Variants in SH3PXD2A observed in about 807,000 individuals in gnomAD.
SH3PXD2A encodes the protein SH3 and PX domains 2A.
Under a neutral mutation model 115.2 loss-of-function variants are expected in SH3PXD2A, and 32 were observed. That is an observed-to-expected ratio of 0.28 (90% CI 0.21 to 0.37). The LOEUF (loss-of-function observed/expected upper bound fraction) is 0.37. Ranked by LOEUF, SH3PXD2A falls within the 10% of genes least tolerant of loss-of-function variation. The pLI is 1.00. For synonymous variants in SH3PXD2A, 610 were observed against 629.1 expected (o/e 0.97, Z 0.45); for missense variants, 1,328 against 1,498.7 (o/e 0.89, Z 1.88).
At chr10:103,693,085 TG>T in intron 5 of SH3PXD2A, 29 bp from the exon 6 acceptor site, 2 of 1,610,188 alleles carry the variant, frequency 1.2e-6, no homozygotes, top group Non-Finnish European at 1.7e-6. Flanking sequence ...CAGATAGACA[TG>T]GTTAGGGCCG....
intron 7 of SH3PXD2A, among the ~76,000 whole-genome samples, chr10:103,663,197 C>T (rs953936015): frequency 6.6e-6 from 1 of 152,236 alleles, no homozygotes; most frequent in African/African-American, 2.4e-5. Context: ...AAGTTCCACA[C>T]AGCCCCCTTG....
chr10:103,786,035 G>A (rs2038977523), intron 2 of SH3PXD2A, among the ~76,000 whole-genome samples: 1 of 151,962 alleles, frequency 6.6e-6, no homozygotes, highest in Non-Finnish European at 1.5e-5. Flanking sequence ...GAGAGACAGA[G>A]AGAGAACACC....
intron 3 of SH3PXD2A, among the ~76,000 whole-genome samples, chr10:103,765,069 A>G (rs1345591005): frequency 6.6e-6 from 1 of 152,204 alleles, no homozygotes; most frequent in African/African-American, 2.4e-5. Flanking sequence ...AAACAGCCCC[A>G]CGAAGTACAT....
rs118021253 is a variant in SH3PXD2A, at chr10:103,672,977, A to G, written c.428-4325T>C. 4.9e-4 allele frequency among the ~76,000 whole-genome samples: 75 copies of G among 152,344 alleles called. 1 individual carries two copies. The East Asian group carries it at 0.013, about 25-fold the overall frequency. ...GGGCCTGGAGATTCCGGCCAAATAC[A>G]GGGACCCAAAGGTACTTAGATGCTG... On this transcript the variant is annotated intron_variant, in intron 6 of 14. Transcript: ENST00000369774.
At chr10:103,726,772 T>G (rs2134174945) in intron 4 of SH3PXD2A, among the ~76,000 whole-genome samples, 1 of 152,278 alleles carries the variant, frequency 6.6e-6, no homozygotes, top group East Asian at 1.9e-4. Flanking sequence ...ACAATTGAAG[T>G]GTGCCATCTA....
At chr10:103,613,313 G>A (rs1011637191) in intron 11 of SH3PXD2A, 123 bp from the exon 12 acceptor site, 1 of 701,676 alleles carries the variant, frequency 1.4e-6, no homozygotes, top group Non-Finnish European at 2.3e-6. Context: ...GCAAGGCTTG[G>A]CAATCCCACT....
At chr10:103,692,879 G>A (rs1422767251) in intron 6 of SH3PXD2A, 149 bp downstream of exon 6, 1 of 648,120 alleles carries the variant, frequency 1.5e-6, no homozygotes, top group Non-Finnish European at 2.7e-6. Context: ...CAAGTGAAGC[G>A]AGTACCCCTG....
chr10:103,820,808 C>A (rs1290492031), intron 1 of SH3PXD2A, among the ~76,000 whole-genome samples: 2 of 152,184 alleles, frequency 1.3e-5, no homozygotes, highest in East Asian at 3.9e-4. Flanking sequence ...TAGGGGCTGG[C>A]GCACATGGCC....
intron 2 of SH3PXD2A, among the ~76,000 whole-genome samples, chr10:103,769,230 A>G (rs553888243): frequency 6.6e-6 from 1 of 150,968 alleles, no homozygotes; most frequent in South Asian, 2.1e-4. Flanking sequence ...TTGTCCACCC[A>G]TCCAGCTCTA....
intron 6 of SH3PXD2A, among the ~76,000 whole-genome samples, chr10:103,691,748 A>C (rs1020633815): frequency 6.6e-6 from 1 of 151,874 alleles, no homozygotes; most frequent in African/African-American, 2.4e-5. Context: ...TATCTCAACC[A>C]CACACACACC....
intron 1 of SH3PXD2A, among the ~76,000 whole-genome samples, chr10:103,847,377 G>T (rs1842856914): frequency 6.6e-6 from 1 of 151,838 alleles, no homozygotes; most frequent in Admixed American, 6.6e-5. Context: ...GCAGTGGTGT[G>T]ATCACGGTTT....
At chr10:103,763,117 C>T (rs12257568) in intron 3 of SH3PXD2A, among the ~76,000 whole-genome samples, 57,482 of 151,828 alleles carry the variant, frequency 0.38, 11,134 homozygotes, top group Middle Eastern at 0.41. Context: ...GACTTACGGC[C>T]CATGTGTGAG....
chr10:103,680,619 A>G (rs1007318295), intron 6 of SH3PXD2A, among the ~76,000 whole-genome samples: 6 of 152,340 alleles, frequency 3.9e-5, no homozygotes, highest in Middle Eastern at 6.8e-3. Context: ...ACTTTCTAAC[A>G]TGACCCAGTT....
chr10:103,749,197 C>G (rs997712612), intron 3 of SH3PXD2A, among the ~76,000 whole-genome samples: 2 of 152,062 alleles, frequency 1.3e-5, no homozygotes, highest in African/African-American at 4.8e-5. Context: ...CTCAGGAGCT[C>G]GGGGAGCAGC....
intron 3 of SH3PXD2A, among the ~76,000 whole-genome samples, chr10:103,759,478 A>G (rs2038676693): frequency 6.6e-6 from 1 of 152,208 alleles, no homozygotes; most frequent in Non-Finnish European, 1.5e-5. Context: ...GGCTTTCTGG[A>G]AGCCCAGAGG....
rs1199124831 is a variant in SH3PXD2A at position 103,666,266 on chromosome 10, C to T, written c.472+2342G>A. Among the ~76,000 whole-genome samples the T allele has an allele frequency of 6.6e-6, 1 of 152,220 alleles. No individual in the cohort carries two copies. The highest frequency in any genetic ancestry group is 2.4e-5 in the African/African-American group (1 of 41,462). On this transcript the variant is annotated intron_variant, in intron 7 of 14. Transcript: ENST00000369774. This position sits in a 1 kb window ranked among gnomAD's most constrained non-coding sequence, Gnocchi z 4.5. ...ATCGAGCACCCACTAGGCGCCAACA[C>T]CCAACACCACTGCTCCATGCAGCTT...
At chr10:103,831,607 C>A (rs976606689) in intron 1 of SH3PXD2A, among the ~76,000 whole-genome samples, 7 of 152,208 alleles carry the variant, frequency 4.6e-5, no homozygotes, top group African/African-American at 1.7e-4. Flanking sequence ...ATTGCTTGAG[C>A]CCAGGAATTC....
At chr10:103,831,032 C>T (rs999133021) in intron 1 of SH3PXD2A, among the ~76,000 whole-genome samples, 6 of 152,176 alleles carry the variant, frequency 3.9e-5, no homozygotes, top group Non-Finnish European at 7.3e-5. Context: ...AAGACAGGTG[C>T]GAAGCATCCT....
At chr10:103,723,504 G>A (rs1203400213) in intron 5 of SH3PXD2A, among the ~76,000 whole-genome samples, 1 of 152,196 alleles carries the variant, frequency 6.6e-6, no homozygotes, top group African/African-American at 2.4e-5. Flanking sequence ...GCATGGCTGA[G>A]TGGGCCATCT....
Sources: gnomAD v4.1 joint callset for allele counts (sites outside exome capture counted in the v4.1 genomes callset) on GRCh38, gnomAD v4.1.1 for gene constraint, Gnocchi (gnomAD v3.1) non-coding constraint, MANE v1.5 for transcripts, NCBI Gene and HGNC (gene_info 2026-07-23, HGNC 2026-07-21) for gene names.